The following SSBP2 variants were observed in gnomAD, a reference collection of about 807,000 sequenced individuals.
SSBP2 encodes the protein single stranded DNA binding protein 2, also known as single-stranded DNA-binding protein 2.
Under a neutral mutation model 61.8 loss-of-function variants are expected in SSBP2, and 17 were observed. The ratio of observed to expected loss-of-function variants is 0.28; its 90% CI spans 0.19 to 0.41. The LOEUF is 0.41. Ranked by LOEUF, SSBP2 falls within the 10% of genes least tolerant of loss-of-function variation. SSBP2 has a pLI of 1.00. For synonymous variants in SSBP2, 139 were observed against 141.3 expected (o/e 0.98, Z 0.12); for missense variants, 310 against 458.7 (o/e 0.68, Z 2.96).
chr5:81,536,070 T>G (rs1459052736), intron 4 of SSBP2, among the ~76,000 whole-genome samples: 3 of 152,042 alleles, frequency 2.0e-5, no homozygotes, highest in Non-Finnish European at 2.9e-5. Context: ...CCAATAAAAA[T>G]GGACCAAAGA....
At position 81,631,037 on chromosome 5, in the gene SSBP2, T is replaced by A. The variant is rs1257303320; in HGVS notation, c.197+5520A>T. On this transcript the variant is annotated intron_variant, in intron 3 of 16. Transcript: ENST00000320672. Reference sequence around the variant, plus strand: ...GGTGTCAACAGGTGAGGACACTCAATTACATTTGGAAAAAAAATTAAGTAT... The same window carrying A: ...GGTGTCAACAGGTGAGGACACTCAAATACATTTGGAAAAAAAATTAAGTAT... 2.0e-5 allele frequency among the ~76,000 whole-genome samples: 3 copies of A among 152,038 alleles called. No individual in the cohort carries two copies. The East Asian group carries it at 5.8e-4, about 29-fold the overall frequency.
chr5:81,636,769 A>C lies in SSBP2; in HGVS notation c.136-151T>G, dbSNP rs1748279463. The C allele has an allele frequency of 6.0e-6, 4 of 663,896 alleles. No homozygotes were observed. The South Asian group carries it at 9.7e-5, about 16-fold the overall frequency. The allele number at this position is 663,896 out of a possible 1,614,324, so 41.1% of individuals were successfully genotyped here. The stretch of plus-strand genomic sequence containing the variant: ...TTTTACCCAAGTTTTGCAAGTACTC[A>C]TTTTACAAGTGATTTGTTGACTGGA... On this transcript the variant is annotated intron_variant, in intron 2 of 16. Coordinates refer to ENST00000320672, the MANE Select transcript of SSBP2 (RefSeq NM_012446.5).
chr5:81,652,864 C>T (rs1749853133), intron 1 of SSBP2, among the ~76,000 whole-genome samples: 1 of 151,834 alleles, frequency 6.6e-6, no homozygotes, highest in South Asian at 2.1e-4. Flanking sequence ...GAGTAGCATA[C>T]ACTGTACCCA....
chr5:81,605,840 C>G (rs919569005), intron 4 of SSBP2, among the ~76,000 whole-genome samples: 2 of 152,114 alleles, frequency 1.3e-5, no homozygotes, highest in African/African-American at 4.8e-5. Flanking sequence ...GATGGGAGAG[C>G]TTTCAGAGGC....
At chr5:81,520,142 G>A (rs1364505969) in intron 4 of SSBP2, among the ~76,000 whole-genome samples, 3 of 151,862 alleles carry the variant, frequency 2.0e-5, no homozygotes, top group East Asian at 1.9e-4. Flanking sequence ...TTGCCACCAC[G>A]CCCAGCTATT....
intron 4 of SSBP2, among the ~76,000 whole-genome samples, chr5:81,612,971 CTACTATT>C (rs1344282942): frequency 6.6e-6 from 1 of 151,900 alleles, no homozygotes; most frequent in Non-Finnish European, 1.5e-5. Context: ...CAGAAATTAT[CTACTATT>C]AAGAATTTAG....
intron 3 of SSBP2, among the ~76,000 whole-genome samples, chr5:81,633,369 G>A (rs1372266703): frequency 2.0e-5 from 3 of 151,920 alleles, no homozygotes; most frequent in Non-Finnish European, 1.5e-5. Context: ...ACCCGCCTCA[G>A]CCTCCCAAAG....
chr5:81,531,470 G>C (rs998907350), intron 4 of SSBP2, among the ~76,000 whole-genome samples: 2 of 152,016 alleles, frequency 1.3e-5, no homozygotes, highest in African/African-American at 2.4e-5. Flanking sequence ...CTAATAAGAA[G>C]AGAGATTCAC....
intron 10 of SSBP2, among the ~76,000 whole-genome samples, chr5:81,449,501 A>G (rs933198767): frequency 1.3e-5 from 2 of 152,168 alleles, no homozygotes; most frequent in Admixed American, 1.3e-4. Context: ...GTACATCCAT[A>G]AGAGATATTT....
chr5:81,641,938 T>C (rs1748828590), intron 2 of SSBP2, among the ~76,000 whole-genome samples: 1 of 152,114 alleles, frequency 6.6e-6, no homozygotes, highest in African/African-American at 2.4e-5. Context: ...AAAAAAAAAG[T>C]ATGTATACAT....
intron 4 of SSBP2, among the ~76,000 whole-genome samples, chr5:81,574,035 G>A (rs1342910966): frequency 6.6e-6 from 1 of 152,078 alleles, no homozygotes; most frequent in Non-Finnish European, 1.5e-5. Context: ...CAGCTACTCG[G>A]GAGGCTGAGG....
chr5:81,707,606 G>C (rs1167193387), intron 1 of SSBP2, among the ~76,000 whole-genome samples: 1 of 152,070 alleles, frequency 6.6e-6, no homozygotes, highest in Non-Finnish European at 1.5e-5. Flanking sequence ...ATAAATTTCT[G>C]TTGTTTAAGC....
At chr5:81,480,397 G>C (rs1765897185) in intron 6 of SSBP2, among the ~76,000 whole-genome samples, 1 of 152,150 alleles carries the variant, frequency 6.6e-6, no homozygotes, top group Admixed American at 6.5e-5. Flanking sequence ...AGTCTATTAG[G>C]TGTGCAATAG....
At chr5:81,655,748 GTCCCTCAAC>G (rs1454030362) in intron 1 of SSBP2, among the ~76,000 whole-genome samples, 20 of 152,184 alleles carry the variant, frequency 1.3e-4, no homozygotes, top group Non-Finnish European at 2.5e-4. Flanking sequence ...TAGACTCACT[GTCCCTCAAC>G]TACACACACG....
At position 81,690,342 on chromosome 5, in the gene SSBP2, C is replaced by T. The variant is rs537124961; in HGVS notation, c.63-40003G>A. ...GGATATAAAAACAAGATCCAACGAT[C>T]TGTTGCGTACAATAAACACACTTCA... is the stretch of plus-strand genomic sequence containing the variant. On this transcript the variant is annotated intron_variant, in intron 1 of 16. Transcript: ENST00000320672. Among the ~76,000 whole-genome samples the T allele has an allele frequency of 2.8e-4, 43 of 152,208 alleles. 1 individual carries two copies. The South Asian group carries it at 8.5e-3, about 30-fold the overall frequency.
At chr5:81,551,295 A>G (rs979813671) in intron 4 of SSBP2, among the ~76,000 whole-genome samples, 7 of 152,100 alleles carry the variant, frequency 4.6e-5, no homozygotes, top group Admixed American at 2.6e-4. Context: ...TCTTAAGTAT[A>G]TGTATCTGCT....
intron 12 of SSBP2, among the ~76,000 whole-genome samples, chr5:81,444,419 T>G (rs539869087): frequency 1.3e-5 from 2 of 152,182 alleles, no homozygotes; most frequent in Admixed American, 1.3e-4. Context: ...TTCCTGGCAG[T>G]TCCAAGTGCA....
intron 1 of SSBP2, among the ~76,000 whole-genome samples, chr5:81,698,723 G>T (rs908817651): frequency 6.6e-6 from 1 of 152,112 alleles, no homozygotes; most frequent in African/African-American, 2.4e-5. Context: ...CAGGAGAATT[G>T]CTTGAATCTG....
chr5:81,427,732 C>A (rs1195423512), intron 16 of SSBP2, among the ~76,000 whole-genome samples: 1 of 152,120 alleles, frequency 6.6e-6, no homozygotes, highest in East Asian at 1.9e-4. Context: ...GTTTTGAAAT[C>A]TTTTATGCTA....
Sources: gnomAD v4.1 joint callset for allele counts (sites outside exome capture counted in the v4.1 genomes callset) on GRCh38, gnomAD v4.1.1 for gene constraint, MANE v1.5 for transcripts, NCBI Gene and HGNC (gene_info 2026-07-23, HGNC 2026-07-21) for gene names.